The following PARD3B variants were observed in gnomAD, a reference collection of about 807,000 sequenced individuals.
PARD3B encodes partitioning defective 3 homolog B.
In PARD3B, 103 loss-of-function variants were observed where a neutral mutation model predicts 130.2. That is an observed-to-expected ratio of 0.79 (90% CI 0.67 to 0.93). The LOEUF is 0.93. Among genes scored for constraint, PARD3B ranks in the 40% least tolerant of loss-of-function variants. The pLI is 0.00. For missense variants in PARD3B, 1,609 were observed against 1,499.2 expected (o/e 1.07, Z -1.21); for synonymous variants, 583 against 553.2 (o/e 1.05, Z -0.76).
rs758899352 is a variant in PARD3B at position 204,546,137 on chromosome 2, G to A, written c.120+18G>A. 48 of 1,551,304 alleles carry A rather than the reference G, an allele frequency of 3.1e-5. No homozygotes were observed. The highest frequency in any genetic ancestry group is 4.2e-5 in the Non-Finnish European group (48 of 1,147,764). On this transcript the variant is annotated intron_variant, in intron 1 of 22. Coordinates refer to ENST00000406610, the MANE Select transcript of PARD3B (RefSeq NM_001302769.2). ...GGGAGAAGGTGAGCGCGGCGCGGAG[G>A]AGTGGGGCGCGGCTGCAGCCAAGGC...
intron 5 of PARD3B, 65 bp downstream of exon 5, chr2:205,104,579 A>G: frequency 2.7e-6 from 3 of 1,131,436 alleles, no homozygotes; most frequent in Non-Finnish European, 3.9e-6. Context: ...TTAATAGTTT[A>G]TAATTGTTCT....
chr2:205,129,899 C>T (rs886343444), intron 10 of PARD3B, among the ~76,000 whole-genome samples: 3 of 152,166 alleles, frequency 2.0e-5, no homozygotes, highest in Admixed American at 2.0e-4. Context: ...GACCTGCCAC[C>T]TAAAAGAACT....
intron 2 of PARD3B, among the ~76,000 whole-genome samples, chr2:204,915,343 C>G (rs1038094029): frequency 6.6e-6 from 1 of 152,060 alleles, no homozygotes; most frequent in Non-Finnish European, 1.5e-5. Flanking sequence ...CCTAGAGAAG[C>G]CTTCTCCCAA....
chr2:205,242,906 C>T (rs758239333), intron 15 of PARD3B, among the ~76,000 whole-genome samples: 4 of 152,152 alleles, frequency 2.6e-5, no homozygotes, highest in Non-Finnish European at 5.9e-5. Flanking sequence ...GTGGTTCACG[C>T]CTGTAATCCC....
intron 22 of PARD3B, among the ~76,000 whole-genome samples, chr2:205,581,283 T>TAGATAG (rs1309815443): frequency 7.1e-5 from 9 of 127,570 alleles, no homozygotes; most frequent in African/African-American, 2.4e-4. Flanking sequence ...TAGATATAGA[T>TAGATAG]ATATAGATAG....
chr2:204,665,243 A>C (rs2035973269), intron 1 of PARD3B, among the ~76,000 whole-genome samples: 1 of 152,120 alleles, frequency 6.6e-6, no homozygotes. Flanking sequence ...AGATAGCCTC[A>C]AATAATAAGC....
intron 14 of PARD3B, among the ~76,000 whole-genome samples, chr2:205,186,677 A>G (rs1250746781): frequency 1.3e-5 from 2 of 152,168 alleles, no homozygotes; most frequent in Non-Finnish European, 2.9e-5. Flanking sequence ...TAACTGTATT[A>G]GGTGGAAGCT....
chr2:205,202,764 TG>T (rs377695379), intron 15 of PARD3B, among the ~76,000 whole-genome samples: 6 of 152,114 alleles, frequency 3.9e-5, no homozygotes, highest in Admixed American at 6.5e-5. Flanking sequence ...AGGGATTTGG[TG>T]GTGTCATTAG....
chr2:205,411,568 T>C (rs1014052415), intron 19 of PARD3B, among the ~76,000 whole-genome samples: 3 of 152,148 alleles, frequency 2.0e-5, no homozygotes, highest in African/African-American at 7.2e-5. Flanking sequence ...CTGACTGTTA[T>C]TTTCTGACCT....
rs547076115 is a variant in PARD3B at position 205,407,137 on chromosome 2, A to G, written c.2741+6014A>G. 3.9e-5 allele frequency among the ~76,000 whole-genome samples: 6 copies of G among 152,318 alleles called. No individual in the cohort carries two copies. The East Asian group carries it at 1.2e-3, about 29-fold the overall frequency. The stretch of plus-strand genomic sequence containing the variant: ...ATGGCATTGGTTTATGGTAGTGCAT[A>G]CACCATTGTTACCTGAGTGTATAAG... On this transcript the variant is annotated intron_variant, in intron 19 of 22. Coordinates refer to ENST00000406610, the MANE Select transcript of PARD3B (RefSeq NM_001302769.2). This position sits in a 1 kb window ranked among gnomAD's most constrained non-coding sequence, Gnocchi z 4.1.
chr2:204,584,308 A>G (rs908970495), intron 1 of PARD3B, among the ~76,000 whole-genome samples: 3 of 152,178 alleles, frequency 2.0e-5, no homozygotes, highest in Non-Finnish European at 4.4e-5. Context: ...TTTTGCGGTA[A>G]TTGAATATTT....
rs141938530 is a variant in PARD3B at position 205,618,008 on chromosome 2, A to T, written c.*2195A>T. 2.0e-5 allele frequency: 3 copies of T among 152,244 alleles called. No homozygotes were observed. The highest frequency in any genetic ancestry group is 7.2e-5 in the African/African-American group (3 of 41,434). The allele number at this position is 152,244 out of a possible 1,614,324, so 9.4% of individuals were successfully genotyped here. A position where few individuals can be genotyped will look rare whatever the true frequency, so the allele number is the denominator to read the frequency against. On this transcript the variant is annotated 3_prime_UTR_variant, in exon 23 of 23. Transcript: ENST00000406610. ...TGTGTCTTGAAGGAGTGGCCTTTAC[A>T]GGAAGAGTGCCCATGTTTTCACCTG...
At chr2:205,119,776 C>T (rs766569092) in intron 7 of PARD3B, among the ~76,000 whole-genome samples, 1 of 151,926 alleles carries the variant, frequency 6.6e-6, no homozygotes, top group Non-Finnish European at 1.5e-5. Flanking sequence ...GGAGAAACTC[C>T]GTCTTCAAAA....
chr2:205,339,395 A>C (rs988427719), intron 18 of PARD3B, among the ~76,000 whole-genome samples: 1 of 152,164 alleles, frequency 6.6e-6, no homozygotes, highest in Non-Finnish European at 1.5e-5. Flanking sequence ...CAACTCAGGT[A>C]GTGATTGAGG....
In PARD3B at chr2:205,401,118, T is replaced by C. The variant is rs760017827; in HGVS notation, c.2736T>C (p.Arg912=). 3.8e-5 allele frequency: 61 copies of C among 1,589,838 alleles called. No homozygotes were observed. Among genetic ancestry groups the C allele is most frequent in the Non-Finnish European group, 5.1e-5 (59 of 1,167,108 alleles). Residue 912 remains arginine, a synonymous_variant, in exon 19 of 23, where the codon CGT becomes CGC. Transcript: ENST00000406610. ...AGCTGGAGAAAATGAAAGAAGAGCG[T>C]GAAAGGTGAGCAGAAGTGCCGAGAC... ...EEELEKMKEE[R]ERIGAKHQEL...
intron 18 of PARD3B, among the ~76,000 whole-genome samples, chr2:205,338,522 T>G (rs1378327151): frequency 6.6e-6 from 1 of 152,190 alleles, no homozygotes; most frequent in Admixed American, 6.5e-5. Flanking sequence ...ATGTCATAAT[T>G]TAACTAGCTT....
intron 2 of PARD3B, among the ~76,000 whole-genome samples, chr2:204,926,542 C>T (rs1417965361): frequency 1.3e-5 from 2 of 152,068 alleles, no homozygotes; most frequent in African/African-American, 4.8e-5. Context: ...CAGCTAGAAG[C>T]CCCAGCGCAG....
intron 1 of PARD3B, among the ~76,000 whole-genome samples, chr2:204,637,230 A>G (rs2034917213): frequency 6.6e-6 from 1 of 152,186 alleles, no homozygotes; most frequent in Non-Finnish European, 1.5e-5. Flanking sequence ...ATACTGAAAG[A>G]CAAAATTTAA....
At chr2:204,640,776 C>G (rs2035048618) in intron 1 of PARD3B, among the ~76,000 whole-genome samples, 2 of 151,836 alleles carry the variant, frequency 1.3e-5, no homozygotes, top group African/African-American at 4.8e-5. Flanking sequence ...TTTTTGCAGT[C>G]AGTAAATATT....
Sources: gnomAD v4.1 joint callset for allele counts (sites outside exome capture counted in the v4.1 genomes callset) on GRCh38, gnomAD v4.1.1 for gene constraint, Gnocchi (gnomAD v3.1) non-coding constraint, MANE v1.5 for transcripts, NCBI Gene and HGNC (gene_info 2026-07-23, HGNC 2026-07-21) for gene names.